The following MDGA2 variants were observed in gnomAD, a reference collection of about 807,000 sequenced individuals.
MDGA2 encodes the protein MAM domain containing glycosylphosphatidylinositol anchor 2, also known as MAM domain-containing glycosylphosphatidylinositol anchor protein 2.
In MDGA2, 40 loss-of-function variants were observed where a neutral mutation model predicts 117.8. That is an observed-to-expected ratio of 0.34 (90% CI 0.26 to 0.44). The LOEUF is 0.44. MDGA2 is among the 20% of genes least tolerant of loss of function. MDGA2 has a pLI of 1.00. For missense variants in MDGA2, 1,123 were observed against 1,250.6 expected (o/e 0.90, Z 1.54); for synonymous variants, 452 against 439.0 (o/e 1.03, Z -0.37).
In MDGA2 at chr14:47,266,947, G is replaced by A. The variant is rs981744875; in HGVS notation, c.420+34464C>T. On this transcript the variant is annotated intron_variant, in intron 2 of 16. Coordinates refer to ENST00000399232, the MANE Select transcript of MDGA2 (RefSeq NM_001113498.3). ...TAGCACACTAATTCATAATTTTCCT[G>A]TTCTCTGAAGTCAGAAACTATGTCT... Among the ~76,000 whole-genome samples the A allele has an allele frequency of 9.2e-5, 14 of 152,196 alleles. No homozygotes were observed. The South Asian group carries it at 1.5e-3, about 16-fold the overall frequency.
intron 6 of MDGA2, among the ~76,000 whole-genome samples, chr14:47,077,694 C>T (rs561138761): frequency 1.3e-5 from 2 of 150,126 alleles, no homozygotes; most frequent in African/African-American, 4.9e-5. Flanking sequence ...AAGACAAAGC[C>T]AGAACTGACA....
At chr14:47,205,529 CAAA>C (rs562010404) in intron 3 of MDGA2, among the ~76,000 whole-genome samples, 2 of 151,718 alleles carry the variant, frequency 1.3e-5, no homozygotes, top group Non-Finnish European at 2.9e-5. Context: ...TTCTATACTA[CAAA>C]AAACACTCAA....
At chr14:47,135,394 A>T (rs540390023) in intron 4 of MDGA2, among the ~76,000 whole-genome samples, 237 of 152,244 alleles carry the variant, frequency 1.6e-3, no homozygotes, top group African/African-American at 5.4e-3. Context: ...AAAAAAGCAA[A>T]CTTACTAAAA....
intron 1 of MDGA2, among the ~76,000 whole-genome samples, chr14:47,315,264 C>A (rs1006967388): frequency 6.6e-6 from 1 of 152,164 alleles, no homozygotes; most frequent in Non-Finnish European, 1.5e-5. Context: ...ATATTTTTCT[C>A]TGTGAACTTC....
intron 6 of MDGA2, among the ~76,000 whole-genome samples, chr14:47,093,064 A>G (rs1361177207): frequency 6.6e-6 from 1 of 151,962 alleles, no homozygotes; most frequent in Admixed American, 6.6e-5. Flanking sequence ...GTCAGAACCT[A>G]TCTATCAGGC....
intron 3 of MDGA2, among the ~76,000 whole-genome samples, chr14:47,198,344 G>A (rs1240408100): frequency 3.3e-5 from 5 of 152,210 alleles, no homozygotes; most frequent in South Asian, 2.1e-4. Context: ...AGGCTGAGGC[G>A]GGCAGATCAC....
In MDGA2 at chr14:47,220,827, T is replaced by C. The variant is rs58093392; in HGVS notation, c.421-2632A>G. On this transcript the variant is annotated intron_variant, in intron 2 of 16. Transcript: ENST00000399232. ...TAACATCCACATTTACTGAAAAAGG[T>C]GAGGGAAAGGGCTATCTCCCAATAT... Among the ~76,000 whole-genome samples the C allele has an allele frequency of 3.7e-3, 567 of 152,202 alleles. 3 individuals carry two copies. Among genetic ancestry groups the C allele is most frequent in the African/African-American group, 0.012 (510 of 41,516 alleles).
chr14:46,877,179 G>A (rs948311274), intron 12 of MDGA2, among the ~76,000 whole-genome samples: 14 of 151,410 alleles, frequency 9.2e-5, no homozygotes, highest in African/African-American at 3.1e-4. Context: ...AAAATGATAT[G>A]CAATCCCACA....
In MDGA2 at chr14:47,675,305, CGG is replaced by C. The variant is rs1898162502; in HGVS notation, c.-511_-510del. 7.6e-6 allele frequency among the ~76,000 whole-genome samples: 1 copy of C among 132,084 alleles called. No individual in the cohort carries two copies. The highest frequency in any genetic ancestry group is 2.8e-5 in the African/African-American group (1 of 35,396). The allele number at this position is 132,084 out of a possible 152,430, so 86.7% of individuals were successfully genotyped here. A position where few individuals can be genotyped will look rare whatever the true frequency, so the allele number is the denominator to read the frequency against. Reference sequence around the variant, plus strand: ...CACGATACAGACTCGCATCGCCGAACGGGGAGAGGAGGAAGAGGAGGAGGAGG... The same window carrying C: ...CACGATACAGACTCGCATCGCCGAACGGAGAGGAGGAAGAGGAGGAGGAGG... On this transcript the variant is annotated 5_prime_UTR_variant, in exon 1 of 17. Coordinates refer to ENST00000399232, the MANE Select transcript of MDGA2 (RefSeq NM_001113498.3).
At chr14:47,290,520 A>G (rs1888845773) in intron 2 of MDGA2, among the ~76,000 whole-genome samples, 1 of 152,154 alleles carries the variant, frequency 6.6e-6, no homozygotes, top group Non-Finnish European at 1.5e-5. Flanking sequence ...ATTATGTTAC[A>G]TAAAGGTCTT....
chr14:47,053,648 T>C (rs1401762373), intron 7 of MDGA2, among the ~76,000 whole-genome samples: 1,491 of 41,392 alleles, frequency 0.036, 15 homozygotes, highest in Non-Finnish European at 0.047. Flanking sequence ...TATATATATA[T>C]ATATATACAC....
At chr14:47,264,079 C>A (rs1887885412) in intron 2 of MDGA2, among the ~76,000 whole-genome samples, 1 of 152,136 alleles carries the variant, frequency 6.6e-6, no homozygotes, top group Non-Finnish European at 1.5e-5. Context: ...CTATTTAAGT[C>A]AGCGTGTCCT....
chr14:47,508,944 C>A (rs925035373), intron 1 of MDGA2, among the ~76,000 whole-genome samples: 3 of 152,160 alleles, frequency 2.0e-5, no homozygotes, highest in Non-Finnish European at 4.4e-5. Context: ...CCCGCCTCGG[C>A]CTCCCAAAGT....
intron 1 of MDGA2, among the ~76,000 whole-genome samples, chr14:47,633,255 A>G (rs1446122701): frequency 6.6e-6 from 1 of 152,062 alleles, no homozygotes; most frequent in African/African-American, 2.4e-5. Flanking sequence ...GACTATGCCC[A>G]TTTTATTTGC....
intron 1 of MDGA2, among the ~76,000 whole-genome samples, chr14:47,443,732 G>GC (rs1893063359): frequency 6.6e-6 from 1 of 152,068 alleles, no homozygotes; most frequent in Non-Finnish European, 1.5e-5. Context: ...TCAGTAAGCT[G>GC]CCCCTTGCAA....
At chr14:47,454,618 G>A (rs1166855895) in intron 1 of MDGA2, among the ~76,000 whole-genome samples, 1 of 152,142 alleles carries the variant, frequency 6.6e-6, no homozygotes, top group Non-Finnish European at 1.5e-5. Flanking sequence ...ACATGTACCT[G>A]ATTCTCTGAG....
At chr14:47,626,559 G>A (rs1897144701) in intron 1 of MDGA2, 2 of 152,654 alleles carry the variant, frequency 1.3e-5, no homozygotes, top group Non-Finnish European at 2.9e-5. Flanking sequence ...TGCCGACGAA[G>A]AGGCGCAGGC....
chr14:47,664,430 C>T (rs1450436528), intron 1 of MDGA2, among the ~76,000 whole-genome samples: 1 of 152,122 alleles, frequency 6.6e-6, no homozygotes, highest in African/African-American at 2.4e-5. Context: ...TGCTCCCTCC[C>T]CCTTCTACTC....
At chr14:47,154,409 C>G (rs1883284829) in intron 3 of MDGA2, among the ~76,000 whole-genome samples, 1 of 152,158 alleles carries the variant, frequency 6.6e-6, no homozygotes, top group Non-Finnish European at 1.5e-5. Context: ...ATTCCTGCCC[C>G]CTTCCAAGTT....
Sources: gnomAD v4.1 joint callset for allele counts (sites outside exome capture counted in the v4.1 genomes callset) on GRCh38, gnomAD v4.1.1 for gene constraint, MANE v1.5 for transcripts, NCBI Gene and HGNC (gene_info 2026-07-23, HGNC 2026-07-21) for gene names.